SCAF11: variants seen among roughly 807,000 people sequenced by gnomAD.
The protein encoded by SCAF11 is protein SCAF11.
Under a neutral mutation model 140.5 loss-of-function variants are expected in SCAF11, and 47 were observed. That is an observed-to-expected ratio of 0.33 (90% CI 0.26 to 0.43). The LOEUF is 0.43. Among genes scored for constraint, SCAF11 ranks in the 20% least tolerant of loss-of-function variants. SCAF11 has a pLI of 1.00. For synonymous variants in SCAF11, 557 were observed against 579.4 expected (o/e 0.96, Z 0.55); for missense variants, 1,645 against 1,705.1 (o/e 0.96, Z 0.62).
At chr12:45,933,490 A>C (rs1008579265) in intron 8 of SCAF11, among the ~76,000 whole-genome samples, 3 of 152,126 alleles carry the variant, frequency 2.0e-5, no homozygotes, top group African/African-American at 7.2e-5. Context: ...AAGTGACAGA[A>C]TTTTTTAAAT....
intron 1 of SCAF11, among the ~76,000 whole-genome samples, chr12:45,986,656 T>C (rs1379258108): frequency 6.6e-6 from 1 of 152,200 alleles, no homozygotes; most frequent in African/African-American, 2.4e-5. Flanking sequence ...CACCCAAATC[T>C]CTCTTGAATT....
chr12:45,963,456 A>AG (rs897329790), intron 2 of SCAF11, among the ~76,000 whole-genome samples: 3 of 151,356 alleles, frequency 2.0e-5, no homozygotes, highest in African/African-American at 7.4e-5. Flanking sequence ...AAGTGCTAAG[A>AG]GAAAAAAAAA....
In SCAF11 at chr12:45,919,470, G is replaced by A. The variant is rs191692429; in HGVS notation, c.*2578C>T. 117 of 152,572 alleles carry A rather than the reference G, an allele frequency of 7.7e-4. No homozygotes were observed. Among genetic ancestry groups the A allele is most frequent in the African/African-American group, 2.7e-3 (112 of 41,550 alleles). 9.5% of individuals were successfully genotyped at this position (152,572 alleles called of 1,614,324 possible). On this transcript the variant is annotated 3_prime_UTR_variant, in exon 15 of 15. Transcript: ENST00000369367. ...TGGTCAATGTGACTAGTAAGTTAAC[G>A]GGACCAAGGTTTCAAAGATCAATAC...
intron 5 of SCAF11, among the ~76,000 whole-genome samples, chr12:45,947,627 G>T (rs1057074484): frequency 1.3e-5 from 2 of 152,154 alleles, no homozygotes; most frequent in Non-Finnish European, 2.9e-5. Context: ...TATCTATTAG[G>T]TGTTTAATAT....
At chr12:45,989,417 C>A (rs1243550828) in intron 1 of SCAF11, among the ~76,000 whole-genome samples, 1 of 152,140 alleles carries the variant, frequency 6.6e-6, no homozygotes, top group Non-Finnish European at 1.5e-5. Flanking sequence ...AAAATGTAAT[C>A]CAAAATGAAT....
At chr12:45,989,635 G>A (rs1419326863) in intron 1 of SCAF11, among the ~76,000 whole-genome samples, 1 of 152,190 alleles carries the variant, frequency 6.6e-6, no homozygotes, top group Non-Finnish European at 1.5e-5. Context: ...AAAATTCCTA[G>A]GTCTCAGAAG....
intron 6 of SCAF11, among the ~76,000 whole-genome samples, chr12:45,943,638 G>A (rs1346555183): frequency 6.6e-6 from 1 of 152,120 alleles, no homozygotes; most frequent in Non-Finnish European, 1.5e-5. Context: ...TGGACAAGGG[G>A]TAACTACCAT....
chr12:45,979,515 C>T (rs993396131), intron 1 of SCAF11, among the ~76,000 whole-genome samples: 1 of 152,038 alleles, frequency 6.6e-6, no homozygotes, highest in Non-Finnish European at 1.5e-5. Flanking sequence ...GTTTATTTTG[C>T]ACAAATGCTG....
upstream of SCAF11, among the ~76,000 whole-genome samples, chr12:45,991,197 T>A (rs1265182818): frequency 6.6e-6 from 1 of 152,172 alleles, no homozygotes; most frequent in Non-Finnish European, 1.5e-5. Context: ...TTTTTTTAGA[T>A]GCCAGGGGGA....
At chr12:45,983,045 G>A (rs1352866942) in intron 1 of SCAF11, among the ~76,000 whole-genome samples, 1 of 152,184 alleles carries the variant, frequency 6.6e-6, no homozygotes, top group Non-Finnish European at 1.5e-5. Context: ...ACTAACGACT[G>A]AGGCAAGTAA....
chr12:45,923,263 A>G (rs1010074147), intron 12 of SCAF11, 109 bp from the exon 13 acceptor site: 2 of 858,532 alleles, frequency 2.3e-6, no homozygotes, highest in African/African-American at 3.4e-5. Flanking sequence ...CAACCTTAGT[A>G]CTAAAGAAAA....
intron 1 of SCAF11, among the ~76,000 whole-genome samples, chr12:45,978,709 A>G (rs531876582): frequency 6.6e-6 from 1 of 152,256 alleles, no homozygotes; most frequent in African/African-American, 2.4e-5. Flanking sequence ...ACTGTCAACT[A>G]TATTTTTACT....
intron 1 of SCAF11, chr12:45,974,220 A>T (rs1946182093): frequency 2.1e-6 from 1 of 470,812 alleles, no homozygotes; most frequent in Admixed American, 2.3e-5. Flanking sequence ...CAATCATCTC[A>T]GCAAGGCTTC....
intron 6 of SCAF11, among the ~76,000 whole-genome samples, chr12:45,936,275 G>A (rs1945171979): frequency 6.6e-6 from 1 of 151,842 alleles, no homozygotes; most frequent in South Asian, 2.1e-4. Context: ...CTGAGCAGCT[G>A]GGACTACAGG....
At chr12:45,988,336 A>G (rs1565698589) in intron 1 of SCAF11, among the ~76,000 whole-genome samples, 1 of 152,174 alleles carries the variant, frequency 6.6e-6, no homozygotes, top group Non-Finnish European at 1.5e-5. Flanking sequence ...ATATACTTTA[A>G]AAGTTCAGTA....
At chr12:45,964,875 A>G (rs971361485) in intron 1 of SCAF11, among the ~76,000 whole-genome samples, 1 of 152,128 alleles carries the variant, frequency 6.6e-6, no homozygotes, top group East Asian at 1.9e-4. Context: ...ATACAATAAC[A>G]TTTAGCTAGG....
intron 12 of SCAF11, among the ~76,000 whole-genome samples, chr12:45,924,048 A>C (rs1442655217): frequency 1.3e-5 from 2 of 152,022 alleles, no homozygotes; most frequent in Non-Finnish European, 2.9e-5. Context: ...GCAGGGTTTC[A>C]CCATGTTGGC....
chr12:45,941,660 G>A (rs1048670230), intron 6 of SCAF11, among the ~76,000 whole-genome samples: 5 of 152,044 alleles, frequency 3.3e-5, no homozygotes, highest in African/African-American at 9.7e-5. Context: ...CCCCATTTCA[G>A]TAACTGGCAA....
rs766895264 is a variant in SCAF11 at position 45,922,939 on chromosome 12, G to C, written c.4122C>G (p.Asp1374Glu). 5 of 1,613,804 alleles carry C rather than the reference G, an allele frequency of 3.1e-6. No individual in the cohort carries two copies. In the Admixed American group the frequency reaches 8.3e-5, roughly 27 times the overall value. The change falls in exon 13 of 15, where the codon GAC becomes GAG. Residue 1374 changes from aspartate (D) to glutamate (E), a missense_variant. Around this residue, in one of 2 missense-constraint regions of SCAF11, gnomAD observed 1,582 missense variants for 1,609.2 expected, o/e 0.98. Transcript: ENST00000369367. Reference sequence around the variant, plus strand: ...TTGCTCTCAACCTTGAACTTGCCTTGTCTGTCTTCGAGCTATCTGCGCTGG... The same window carrying C: ...TTGCTCTCAACCTTGAACTTGCCTTCTCTGTCTTCGAGCTATCTGCGCTGG... ...VEASADSSKT[D>E]KKLQIQEKAA... is the part of the protein sequence containing the mutation.
Sources: allele counts gnomAD v4.1 joint callset (sites outside exome capture counted in the v4.1 genomes callset), GRCh38; gene constraint gnomAD v4.1.1; regional missense constraint gnomAD v4.1.1; transcripts MANE v1.5; gene names NCBI Gene and HGNC (gene_info 2026-07-23, HGNC 2026-07-21).